Variants in TMOD1 observed in about 807,000 individuals in gnomAD.
TMOD1 encodes the protein tropomodulin-1.
Under a neutral mutation model 40.6 loss-of-function variants are expected in TMOD1, and 17 were observed. The ratio of observed to expected loss-of-function variants is 0.42; its 90% confidence interval spans 0.29 to 0.63. TMOD1 has a LOEUF of 0.63. Ranked by LOEUF, TMOD1 falls within the 20% of genes least tolerant of loss-of-function variation. TMOD1 has a pLI of 0.22. For missense variants in TMOD1, 391 were observed against 447.6 expected, an observed-to-expected ratio of 0.87 and a Z score of 1.14; for synonymous variants, 181 against 175.0, an observed-to-expected ratio of 1.03 and a Z score of -0.27.
intron 9 of TMOD1, among the ~76,000 whole-genome samples, chr9:97,597,438 C>T (rs1054450857): frequency 6.6e-6 from 1 of 151,188 alleles, no homozygotes; most frequent in African/African-American, 2.4e-5. Flanking sequence ...GTGGCTCACG[C>T]CTGTAATCCC....
At chr9:97,536,217 C>T (rs974778359) in intron 2 of TMOD1, among the ~76,000 whole-genome samples, 1 of 152,150 alleles carries the variant, frequency 6.6e-6, no homozygotes, top group Non-Finnish European at 1.5e-5. Context: ...ACCGACCTGG[C>T]AGATAACTGG....
chr9:97,601,239 T>A lies in TMOD1; in HGVS notation c.*1541T>A, dbSNP rs1826251498. 10 of 1,258,552 alleles carry A rather than the reference T, an allele frequency of 7.9e-6. No homozygotes were observed. Among genetic ancestry groups the A allele is most frequent in the Non-Finnish European group, 1.0e-5 (10 of 963,766 alleles). 78.0% of individuals were successfully genotyped at this position (1,258,552 alleles called of 1,614,324 possible). On this transcript the variant is annotated 3_prime_UTR_variant, in exon 10 of 10. Transcript: ENST00000259365. ...CTGAAAACTGCAATATAATATTAAA[T>A]CTGTTGGTCTATGCATGGCTGCGTA...
chr9:97,577,749 G>A (rs904952690), intron 8 of TMOD1, among the ~76,000 whole-genome samples: 1 of 152,128 alleles, frequency 6.6e-6, no homozygotes, highest in Non-Finnish European at 1.5e-5. Flanking sequence ...CAGTCTGGGC[G>A]ACAGAACAAG....
chr9:97,527,879 G>A (rs2131225901), intron 2 of TMOD1, among the ~76,000 whole-genome samples: 1 of 152,248 alleles, frequency 6.6e-6, no homozygotes. Flanking sequence ...GGCTGTTTGA[G>A]TTGCCCTGAG....
chr9:97,597,995 C>T (rs1276707923), intron 9 of TMOD1, among the ~76,000 whole-genome samples: 4 of 152,038 alleles, frequency 2.6e-5, no homozygotes, highest in Non-Finnish European at 4.4e-5. Flanking sequence ...CTCAAGTCTA[C>T]TGAGGGAGGC....
intron 8 of TMOD1, among the ~76,000 whole-genome samples, chr9:97,588,087 C>A (rs10982882): frequency 2.0e-4 from 31 of 152,074 alleles, no homozygotes; most frequent in Non-Finnish European, 3.7e-4. Flanking sequence ...TTTGTGTGGA[C>A]TTATGTTTTT....
chr9:97,555,786 A>C lies in TMOD1; in HGVS notation c.397+2386A>C, dbSNP rs906936546. 5 of 1,165,508 alleles carry C rather than the reference A, an allele frequency of 4.3e-6. No individual in the cohort carries two copies. The African/African-American group carries it at 7.6e-5, about 18-fold the overall frequency. The allele number at this position is 1,165,508 out of a possible 1,614,324, so 72.2% of individuals were successfully genotyped here. On this transcript the variant is annotated intron_variant, in intron 4 of 9. Coordinates refer to ENST00000259365, the MANE Select transcript of TMOD1 (RefSeq NM_003275.4). ...TGAAGGAAATTTTATTACTGTCCCC[A>C]TTTTATGGATGGAGAAAGTAGGCAA...
intron 2 of TMOD1, among the ~76,000 whole-genome samples, chr9:97,526,096 G>GGT (rs2131223868): frequency 6.6e-6 from 1 of 152,328 alleles, no homozygotes; most frequent in East Asian, 1.9e-4. Flanking sequence ...CGGCCTGTAA[G>GGT]GTGTGGCCAC....
At chr9:97,519,542 C>A (rs1478635015) in intron 1 of TMOD1, among the ~76,000 whole-genome samples, 1 of 152,218 alleles carries the variant, frequency 6.6e-6, no homozygotes, top group Non-Finnish European at 1.5e-5. Flanking sequence ...GCTTCATCAC[C>A]CCCTTCCTGC....
At chr9:97,555,401 G>T in intron 4 of TMOD1, 1 of 1,357,386 alleles carries the variant, frequency 7.4e-7, no homozygotes, top group East Asian at 3.0e-5. Context: ...AGCTCAAAGG[G>T]ATTATCAAAT....
chr9:97,504,957 C>T (rs767700465), intron 1 of TMOD1, among the ~76,000 whole-genome samples: 3 of 152,214 alleles, frequency 2.0e-5, no homozygotes, highest in Non-Finnish European at 4.4e-5. Context: ...AAACCACAGG[C>T]CTGTTTCTAT....
intron 2 of TMOD1, among the ~76,000 whole-genome samples, chr9:97,534,962 G>A (rs1177913119): frequency 6.6e-6 from 1 of 152,210 alleles, no homozygotes; most frequent in Non-Finnish European, 1.5e-5. Flanking sequence ...CAAAGGCATG[G>A]CAGTGGGAGA....
chr9:97,545,585 G>T (rs1830347684), intron 2 of TMOD1, among the ~76,000 whole-genome samples: 1 of 152,236 alleles, frequency 6.6e-6, no homozygotes, highest in African/African-American at 2.4e-5. Context: ...GGTAGGGCCA[G>T]CAGGGACTGT....
intron 4 of TMOD1, chr9:97,555,683 T>C: frequency 6.4e-7 from 1 of 1,551,180 alleles, no homozygotes; most frequent in Non-Finnish European, 8.7e-7. Flanking sequence ...CTGAACACTT[T>C]TGACCACCTA....
intron 2 of TMOD1, among the ~76,000 whole-genome samples, chr9:97,532,799 A>C (rs1170219023): frequency 6.6e-6 from 1 of 152,230 alleles, no homozygotes; most frequent in Non-Finnish European, 1.5e-5. Flanking sequence ...TTCTTGAGCC[A>C]TGTGGTCATC....
At position 97,601,572 on chromosome 9, in the gene TMOD1, GA is replaced by G; in HGVS notation, c.*1875del. On this transcript the variant is annotated 3_prime_UTR_variant, in exon 10 of 10. Coordinates refer to ENST00000259365, the MANE Select transcript of TMOD1 (RefSeq NM_003275.4). ...AAGGCCACCTCTGCCTCTATCAGAT[GA>G]GCTGCTGGTCTAGATCAGGGGCTGG... 2 of 987,728 alleles carry G rather than the reference GA, an allele frequency of 2.0e-6. No individual in the cohort carries two copies. Among genetic ancestry groups the G allele is most frequent in the Non-Finnish European group, 2.4e-6 (2 of 831,506 alleles). 61.2% of individuals were successfully genotyped at this position (987,728 alleles called of 1,614,324 possible).
At position 97,541,555 on chromosome 9, in the gene TMOD1, G is replaced by C. The variant is rs1830276214; in HGVS notation, c.121-4630G>C. Among the ~76,000 whole-genome samples, 3 of 147,824 alleles carry C rather than the reference G, an allele frequency of 2.0e-5. No individual in the cohort carries two copies. The South Asian group carries it at 6.4e-4, about 32-fold the overall frequency. On this transcript the variant is annotated intron_variant, in intron 2 of 9. Coordinates refer to ENST00000259365, the MANE Select transcript of TMOD1 (RefSeq NM_003275.4). The stretch of plus-strand genomic sequence containing the variant: ...TTTTTTGAGACAGTCTCACTCTGTT[G>C]ATCAGGCTGGAGTCTAGCGGCGTGA...
In TMOD1 at chr9:97,569,051, C is replaced by T. The variant is rs376637392; in HGVS notation, c.870+14C>T. On this transcript the variant is annotated intron_variant, in intron 8 of 9. Transcript: ENST00000259365. ...ATTGACAACCAGGTGAGATGGGCAA[C>T]GGTCTCCTCAGGTCTGTTACTACAT... is the stretch of plus-strand genomic sequence containing the variant. The T allele has an allele frequency of 9.9e-6, 16 of 1,613,702 alleles. No individual in the cohort carries two copies. The highest frequency in any genetic ancestry group is 2.2e-5 in the East Asian group (1 of 44,890).
intron 3 of TMOD1, among the ~76,000 whole-genome samples, chr9:97,550,268 A>T (rs1830429192): frequency 1.3e-5 from 2 of 152,224 alleles, no homozygotes; most frequent in African/African-American, 4.8e-5. Context: ...GTATCCATTC[A>T]TCCACTGGTA....
Sources: gnomAD v4.1 joint callset for allele counts (sites outside exome capture counted in the v4.1 genomes callset) on GRCh38, gnomAD v4.1.1 for gene constraint, MANE v1.5 for transcripts, NCBI Gene and HGNC (gene_info 2026-07-23, HGNC 2026-07-21) for gene names.